The following DMXL1 variants were observed in gnomAD, a reference collection of about 807,000 sequenced individuals.
DMXL1 encodes the protein Dmx like 1, also known as dmX-like protein 1.
In DMXL1, 99 loss-of-function variants were observed where a neutral mutation model predicts 319.2. That is an observed-to-expected ratio of 0.31 (90% confidence interval 0.26 to 0.37). The LOEUF is 0.37. DMXL1 is among the 10% of genes least tolerant of loss of function. The probability of loss-of-function intolerance (pLI) is 1.00; values close to 1 mark genes in which losing one functional copy is unlikely to be tolerated. For missense variants in DMXL1, 3,745 were observed against 3,595.6 expected (o/e 1.04, Z -1.06); for synonymous variants, 1,385 against 1,235.2 (o/e 1.12, Z -2.54).
At position 119,149,367 on chromosome 5, in the gene DMXL1, C is replaced by T. The variant is rs376085278; in HGVS notation, c.3540C>T (p.Thr1180=). ...GKVQDQTGKE[T]LAFPLWESTK... ...TACAAGACCAAACTGGTAAGGAAACCCTGGCATTTCCTCTCTGGGAGAGTA... is the reference window on the plus strand; with the variant it reads ...TACAAGACCAAACTGGTAAGGAAACTCTGGCATTTCCTCTCTGGGAGAGTA... Residue 1180 remains threonine, a synonymous_variant, in exon 18 of 44, where the codon ACC becomes ACT. Coordinates refer to ENST00000539542, the MANE Select transcript of DMXL1 (RefSeq NM_001290321.3). 3 of 1,613,816 alleles carry T rather than the reference C, an allele frequency of 1.9e-6. No homozygotes were observed. The highest frequency in any genetic ancestry group is 4.5e-5 in the East Asian group (2 of 44,874).
chr5:119,129,083 T>A (rs1419551414), intron 9 of DMXL1, 128 bp from the exon 10 acceptor site: 12 of 648,314 alleles, frequency 1.9e-5, no homozygotes. Context: ...AAAATAAAAT[T>A]AAAAAGTGAA....
intron 28 of DMXL1, among the ~76,000 whole-genome samples, chr5:119,188,233 A>G (rs1778095829): frequency 6.6e-6 from 1 of 151,816 alleles, no homozygotes; most frequent in Non-Finnish European, 1.5e-5. Flanking sequence ...TTTTTTTCAG[A>G]GATTGTCTAT....
rs564518230 is a variant in DMXL1, at chr5:119,086,255, A to G, written c.88-11724A>G. Among the ~76,000 whole-genome samples, 28 of 152,274 alleles carry G rather than the reference A, an allele frequency of 1.8e-4. No individual in the cohort carries two copies. The East Asian group carries it at 4.2e-3, about 23-fold the overall frequency. On this transcript the variant is annotated intron_variant, in intron 1 of 43. Transcript: ENST00000539542. Reference sequence around the variant, plus strand: ...AAACAGTATGGGGTAAACCGCCCCCATGATTCAATTATCTCCCACCTGGTC... The same window carrying G: ...AAACAGTATGGGGTAAACCGCCCCCGTGATTCAATTATCTCCCACCTGGTC...
intron 1 of DMXL1, among the ~76,000 whole-genome samples, chr5:119,093,613 T>G (rs1367985781): frequency 1.3e-5 from 2 of 152,018 alleles, no homozygotes; most frequent in Admixed American, 1.3e-4. Flanking sequence ...AAAGGAAGAG[T>G]TACACATCTC....
At chr5:119,099,750 C>T (rs1002854413) in intron 2 of DMXL1, among the ~76,000 whole-genome samples, 1 of 151,968 alleles carries the variant, frequency 6.6e-6, no homozygotes, top group Non-Finnish European at 1.5e-5. Flanking sequence ...GCCTGTAATC[C>T]CAGAGCTTTA....
chr5:119,185,939 G>A (rs1366370948), intron 28 of DMXL1, among the ~76,000 whole-genome samples: 1 of 151,978 alleles, frequency 6.6e-6, no homozygotes, highest in Non-Finnish European at 1.5e-5. Context: ...TAATTTTGAG[G>A]ATTTGTTTTA....
intron 39 of DMXL1, among the ~76,000 whole-genome samples, chr5:119,235,334 G>A (rs1787550260): frequency 6.6e-6 from 1 of 152,050 alleles, no homozygotes; most frequent in East Asian, 1.9e-4. Flanking sequence ...ATTAAACAAG[G>A]ACAGTAGGAA....
At chr5:119,086,923 A>T (rs1002112300) in intron 1 of DMXL1, among the ~76,000 whole-genome samples, 3 of 151,848 alleles carry the variant, frequency 2.0e-5, no homozygotes, top group African/African-American at 7.3e-5. Flanking sequence ...TTATGGTTCA[A>T]TCTTGGTAGG....
chr5:119,146,415 T>G (rs191982020), intron 15 of DMXL1, among the ~76,000 whole-genome samples: 1 of 152,000 alleles, frequency 6.6e-6, no homozygotes, highest in Non-Finnish European at 1.5e-5. Flanking sequence ...TGAAAACTTA[T>G]GGTTTGGCCA....
chr5:119,148,784 A>T lies in DMXL1; in HGVS notation c.2957A>T (p.Tyr986Phe). The T allele has an allele frequency of 6.2e-7, 1 of 1,613,578 alleles. No individual in the cohort carries two copies. The highest frequency in any genetic ancestry group is 8.5e-7 in the Non-Finnish European group (1 of 1,179,682). ...ATATATCCTGCATGCAGTGCTCCTT[A>T]TTTATTGGCAACTTCATGTTCAGAT... The part of the protein sequence containing the change: ...SSIYPACSAP[Y>F]LLATSCSDEK... The change falls in exon 18 of 44, where the codon TAT becomes TTT. Residue 986 changes from tyrosine (Y) to phenylalanine (F), a missense_variant. Coordinates refer to ENST00000539542, the MANE Select transcript of DMXL1 (RefSeq NM_001290321.3).
chr5:119,136,117 T>C (rs1765936597), intron 13 of DMXL1, among the ~76,000 whole-genome samples: 1 of 152,236 alleles, frequency 6.6e-6, no homozygotes, highest in South Asian at 2.1e-4. Flanking sequence ...GATGACGAAC[T>C]TACTGGGATC....
intron 9 of DMXL1, among the ~76,000 whole-genome samples, chr5:119,122,002 C>G (rs1463867323): frequency 6.9e-6 from 1 of 144,866 alleles, no homozygotes; most frequent in Non-Finnish European, 1.5e-5. Flanking sequence ...AGAGGCGCCC[C>G]TCACCTCCCG....
At position 119,137,735 on chromosome 5, in the gene DMXL1, C is replaced by T. The variant is rs147144353; in HGVS notation, c.2376+3346C>T. On this transcript the variant is annotated intron_variant, in intron 13 of 43. Coordinates refer to ENST00000539542, the MANE Select transcript of DMXL1 (RefSeq NM_001290321.3). ...AGGTGCTTGCTTCTCCTTCATCTTC[C>T]GCCATGATTGTAAGTTTCCTGAGGG... 1.8e-4 allele frequency among the ~76,000 whole-genome samples: 28 copies of T among 152,286 alleles called. No individual in the cohort carries two copies. The East Asian group carries it at 4.0e-3, about 22-fold the overall frequency.
chr5:119,112,885 G>C (rs1397717300), intron 5 of DMXL1, among the ~76,000 whole-genome samples: 2 of 150,632 alleles, frequency 1.3e-5, no homozygotes, highest in African/African-American at 4.9e-5. Context: ...TGAACCCGGT[G>C]GTGGAGGTTA....
chr5:119,120,248 G>T (rs573957527), intron 8 of DMXL1, among the ~76,000 whole-genome samples: 1 of 152,324 alleles, frequency 6.6e-6, no homozygotes, highest in Non-Finnish European at 1.5e-5. Context: ...TGCTTTGTAT[G>T]ATTATGCAGC....
chr5:119,214,081 T>A (rs1241312160), intron 34 of DMXL1, among the ~76,000 whole-genome samples: 3 of 152,298 alleles, frequency 2.0e-5, no homozygotes, highest in Middle Eastern at 6.8e-3. Context: ...ATTAATATAA[T>A]TTGTATGCTG....
intron 34 of DMXL1, among the ~76,000 whole-genome samples, chr5:119,208,701 CT>C (rs1421208141): frequency 6.6e-6 from 1 of 152,062 alleles, no homozygotes; most frequent in African/African-American, 2.4e-5. Flanking sequence ...AAAAAAAAAT[CT>C]TTGTAAGGTA....
At chr5:119,178,629 G>A (rs1477841991) in intron 28 of DMXL1, 1 of 985,410 alleles carries the variant, frequency 1.0e-6, no homozygotes. Flanking sequence ...TCCATGGAAT[G>A]TGTGGGCTTT....
intron 10 of DMXL1, 64 bp downstream of exon 10, chr5:119,129,487 G>A: frequency 6.0e-6 from 7 of 1,162,882 alleles, no homozygotes; most frequent in Non-Finnish European, 7.3e-6. Context: ...TTTCATATTA[G>A]GGTAAAACTA....
Sources: gnomAD v4.1 joint callset for allele counts (sites outside exome capture counted in the v4.1 genomes callset) on GRCh38, gnomAD v4.1.1 for gene constraint, MANE v1.5 for transcripts, NCBI Gene and HGNC (gene_info 2026-07-23, HGNC 2026-07-21) for gene names.